The following DCC variants were observed in gnomAD, a reference collection of about 807,000 sequenced individuals.
DCC encodes netrin receptor DCC.
Under a neutral mutation model 172.5 loss-of-function variants are expected in DCC, and 58 were observed. That is an observed-to-expected ratio of 0.34 (90% CI 0.27 to 0.42). The LOEUF is 0.42. DCC is among the 10% of genes least tolerant of loss of function. DCC has a pLI of 1.00. For synonymous variants in DCC, 709 were observed against 644.5 expected (o/e 1.10, Z -1.52); for missense variants, 1,740 against 1,791.0 (o/e 0.97, Z 0.51).
chr18:52,813,793 G>A (rs920292492), intron 2 of DCC, among the ~76,000 whole-genome samples: 1 of 152,170 alleles, frequency 6.6e-6, no homozygotes, highest in Non-Finnish European at 1.5e-5. Context: ...TGAAAACTCT[G>A]CCTGCCTAAC....
chr18:52,831,773 T>C (rs1297964538), intron 2 of DCC, among the ~76,000 whole-genome samples: 1 of 152,096 alleles, frequency 6.6e-6, no homozygotes, highest in Admixed American at 6.5e-5. Flanking sequence ...GCAGATAATA[T>C]ACAAATGTGG....
At chr18:52,642,109 TAC>T (rs1288236821) in intron 1 of DCC, among the ~76,000 whole-genome samples, 62 of 141,638 alleles carry the variant, frequency 4.4e-4, no homozygotes, top group African/African-American at 1.7e-3. Context: ...CACACACACA[TAC>T]ACACATATAC....
At chr18:53,101,146 T>A (rs962388557) in intron 7 of DCC, among the ~76,000 whole-genome samples, 4 of 152,234 alleles carry the variant, frequency 2.6e-5, no homozygotes, top group Admixed American at 6.5e-5. Context: ...AATCATGAAA[T>A]ACTCTCACAG....
intron 1 of DCC, among the ~76,000 whole-genome samples, chr18:52,373,217 T>C (rs1985200262): frequency 6.6e-6 from 1 of 152,102 alleles, no homozygotes; most frequent in Non-Finnish European, 1.5e-5. Context: ...CAGTTTTTTT[T>C]CCAAAAAATG....
chr18:52,931,093 C>A (rs2040300978), intron 5 of DCC, among the ~76,000 whole-genome samples: 3 of 151,882 alleles, frequency 2.0e-5, no homozygotes, highest in Admixed American at 6.6e-5. Flanking sequence ...TTTATAACTA[C>A]TCTAGAAGGC....
chr18:52,671,650 G>A (rs934133940), intron 1 of DCC, among the ~76,000 whole-genome samples: 3 of 148,030 alleles, frequency 2.0e-5, no homozygotes, highest in African/African-American at 7.5e-5. Flanking sequence ...AACCATTCTC[G>A]TGCCTCAGCC....
intron 2 of DCC, among the ~76,000 whole-genome samples, chr18:52,903,073 T>C (rs577436458): frequency 1.3e-5 from 2 of 152,218 alleles, no homozygotes; most frequent in Non-Finnish European, 2.9e-5. Flanking sequence ...GAAGTTTACA[T>C]AGGAAACCAA....
Position 53,178,846 on chromosome 18 carries a change from C to A in DCC, c.1419-116C>A, listed in dbSNP as rs189027546. On this transcript the variant is annotated intron_variant, in intron 8 of 28. Transcript: ENST00000442544. ...GTCTTGAATTATGTCCCAGAGTCAA[C>A]ATTAGATGAGTGAGCAACCTTTTGG... The A allele has an allele frequency of 5.1e-4, 507 of 995,506 alleles. 2 individuals carry two copies. Among genetic ancestry groups the A allele is most frequent in the Middle Eastern group, 2.9e-3 (13 of 4,478 alleles). 61.7% of individuals were successfully genotyped at this position (995,506 alleles called of 1,614,324 possible).
intron 1 of DCC, among the ~76,000 whole-genome samples, chr18:52,443,083 A>C (rs926936519): frequency 2.0e-4 from 31 of 152,188 alleles, no homozygotes; most frequent in Admixed American, 1.8e-3. Flanking sequence ...TAAGTGAATA[A>C]TAATAACTAC....
intron 2 of DCC, among the ~76,000 whole-genome samples, chr18:52,811,810 A>G (rs959444462): frequency 4.6e-5 from 7 of 152,200 alleles, no homozygotes; most frequent in African/African-American, 1.4e-4. Flanking sequence ...TATAATTGAC[A>G]TCAATCACAC....
intron 1 of DCC, among the ~76,000 whole-genome samples, chr18:52,580,360 T>C (rs916914953): frequency 2.0e-5 from 3 of 152,122 alleles, no homozygotes; most frequent in African/African-American, 7.2e-5. Flanking sequence ...CAATGAGACA[T>C]TTTTAGAGAC....
At chr18:53,412,487 G>A (rs1273418387) in intron 20 of DCC, among the ~76,000 whole-genome samples, 1 of 152,080 alleles carries the variant, frequency 6.6e-6, no homozygotes, top group African/African-American at 2.4e-5. Flanking sequence ...AAGATTTGGT[G>A]TAGAGCCAAA....
At chr18:53,373,920 A>G (rs2058085279) in intron 15 of DCC, among the ~76,000 whole-genome samples, 1 of 152,204 alleles carries the variant, frequency 6.6e-6, no homozygotes, top group South Asian at 2.1e-4. Context: ...ACTCCTACCC[A>G]TGCTATAAAG....
chr18:53,488,270 G>A (rs2144370208), intron 26 of DCC, among the ~76,000 whole-genome samples: 1 of 152,268 alleles, frequency 6.6e-6, no homozygotes, highest in South Asian at 2.1e-4. Context: ...AGCTATTTGG[G>A]AGGCTGAGGC....
rs571880506 is a variant in DCC at position 52,998,498 on chromosome 18, A to G, written c.986-64807A>G. ...GGAAATAAAACAGGCTTCTTTTTAG[A>G]TATTGAGCTCAGGCCCCAAAATCTT... On this transcript the variant is annotated intron_variant, in intron 5 of 28. Coordinates refer to ENST00000442544, the MANE Select transcript of DCC (RefSeq NM_005215.4). 1.1e-4 allele frequency among the ~76,000 whole-genome samples: 17 copies of G among 152,180 alleles called. No homozygotes were observed. The South Asian group carries it at 3.3e-3, about 30-fold the overall frequency.
At chr18:53,289,051 C>A (rs549364389) in intron 12 of DCC, among the ~76,000 whole-genome samples, 1 of 152,188 alleles carries the variant, frequency 6.6e-6, no homozygotes. Context: ...CTTGATTTGC[C>A]AGGAGGCTGC....
chr18:52,919,622 A>G (rs893706312), intron 3 of DCC, among the ~76,000 whole-genome samples: 2 of 135,122 alleles, frequency 1.5e-5, no homozygotes, highest in Non-Finnish European at 3.4e-5. Flanking sequence ...TGAAAATGGA[A>G]AAGTCGATGG....
At chr18:53,522,747 C>A (rs2046413830) in intron 27 of DCC, among the ~76,000 whole-genome samples, 1 of 152,072 alleles carries the variant, frequency 6.6e-6, no homozygotes, top group African/African-American at 2.4e-5. Context: ...CTCCTTACAC[C>A]TTATACAAAA....
In DCC at chr18:52,340,408, C is replaced by CG. The variant is rs1983570735; in HGVS notation, c.-380_-379insG. 1 of 292,904 alleles carries CG rather than the reference C, an allele frequency of 3.4e-6. No homozygotes were observed. The highest frequency in any genetic ancestry group is 6.6e-6 in the Non-Finnish European group (1 of 152,162). The allele number at this position is 292,904 out of a possible 1,614,324, so 18.1% of individuals were successfully genotyped here. A position where few individuals can be genotyped will look rare whatever the true frequency, so the allele number is the denominator to read the frequency against. On this transcript the variant is annotated 5_prime_UTR_variant, in exon 1 of 29. An upstream open reading frame in the 5' UTR loses its in-frame stop. Transcript: ENST00000442544. ...ACAGCCCGGCCACAGGATTGCCTTC[C>CG]ATCTCCTCTTGGTCCCTCCTGGATG...
Sources: allele counts gnomAD v4.1 joint callset (sites outside exome capture counted in the v4.1 genomes callset), GRCh38; gene constraint gnomAD v4.1.1; transcripts MANE v1.5; gene names NCBI Gene and HGNC (gene_info 2026-07-23, HGNC 2026-07-21).